Variants in INTS4 observed in about 807,000 individuals in gnomAD.
The protein encoded by INTS4 is MSTP093.
Under a neutral mutation model 119.5 loss-of-function variants are expected in INTS4, and 70 were observed. The observed-to-expected ratio is 0.59, with a 90% CI of 0.48 to 0.71. The LOEUF is 0.71. Ranked by LOEUF, INTS4 falls within the 30% of genes least tolerant of loss-of-function variation. The pLI is 0.00. For missense variants in INTS4, 867 were observed against 1,173.2 expected, an observed-to-expected ratio of 0.74 and a Z score of 3.81; for synonymous variants, 316 against 419.6, an observed-to-expected ratio of 0.75 and a Z score of 3.02.
chr11:77,923,055 C>G (rs1430293407), intron 12 of INTS4, among the ~76,000 whole-genome samples: 4 of 152,182 alleles, frequency 2.6e-5, no homozygotes, highest in Non-Finnish European at 5.9e-5. Context: ...TGTGGTGGCT[C>G]ACGCCTATAA....
At chr11:77,918,071 A>C in intron 15 of INTS4, 1 of 622,952 alleles carries the variant, frequency 1.6e-6, no homozygotes, top group East Asian at 2.9e-5. Context: ...GATGGAATAC[A>C]GGGGGCACAG....
intron 10 of INTS4, among the ~76,000 whole-genome samples, chr11:77,931,547 A>T (rs1212880965): frequency 6.6e-6 from 1 of 152,230 alleles, no homozygotes; most frequent in Non-Finnish European, 1.5e-5. Context: ...TGATTATTTC[A>T]TATTTCATGC....
At position 77,991,317 on chromosome 11, in the gene INTS4, A is replaced by T; in HGVS notation, c.55-18T>A. 1 of 1,592,602 alleles carries T rather than the reference A, an allele frequency of 6.3e-7. No homozygotes were observed. The highest frequency in any genetic ancestry group is 1.7e-5 in the Admixed American group (1 of 58,414). ...TCCTGTGGCTGCAAGGGGTAGAGAA[A>T]ATCGAAAACACAGAATCTGCAAATT... On this transcript the variant is annotated intron_variant, in intron 1 of 22. Coordinates refer to ENST00000534064, the MANE Select transcript of INTS4 (RefSeq NM_033547.4).
At chr11:77,964,092 GA>G (rs1324442729) in intron 4 of INTS4, among the ~76,000 whole-genome samples, 1 of 152,154 alleles carries the variant, frequency 6.6e-6, no homozygotes, top group African/African-American at 2.4e-5. Flanking sequence ...TGCTACACAA[GA>G]AAACTGCATT....
intron 4 of INTS4, among the ~76,000 whole-genome samples, chr11:77,967,081 G>C (rs990155232): frequency 6.6e-6 from 1 of 152,030 alleles, no homozygotes; most frequent in Non-Finnish European, 1.5e-5. Flanking sequence ...TTTCCCTAAT[G>C]ATTAGTGATT....
chr11:77,876,993 T>C, downstream of INTS4: 1 of 703,308 alleles, frequency 1.4e-6, no homozygotes. Flanking sequence ...GTCAGGGCTG[T>C]GGTACAATTC....
intron 22 of INTS4, 40 bp downstream of exon 22, chr11:77,883,792 G>T: frequency 6.2e-7 from 1 of 1,604,252 alleles, no homozygotes; most frequent in Non-Finnish European, 8.5e-7. Flanking sequence ...GTGATCTCCA[G>T]CAGCATATTT....
chr11:77,967,277 T>C (rs1160169486), intron 4 of INTS4, among the ~76,000 whole-genome samples: 1 of 152,136 alleles, frequency 6.6e-6, no homozygotes, highest in African/African-American at 2.4e-5. Flanking sequence ...GTCATAAGGA[T>C]GGGACTCTAG....
intron 10 of INTS4, among the ~76,000 whole-genome samples, chr11:77,935,903 A>AAAAAAAGAAAAAAAAGAGAG (rs1565256799): frequency 1.1e-5 from 1 of 86,990 alleles, no homozygotes; most frequent in Non-Finnish European, 2.1e-5. Flanking sequence ...CTCAAAAAAA[A>AAAAAAAGAAAAAAAAGAGAG]AAAAAAGAAA....
chr11:77,891,016 T>C (rs1952239125), intron 21 of INTS4, among the ~76,000 whole-genome samples: 3 of 152,344 alleles, frequency 2.0e-5, no homozygotes, highest in South Asian at 4.1e-4. Flanking sequence ...ATTACAAGAT[T>C]AGAAAAGGTC....
chr11:77,891,275 C>A, intron 21 of INTS4, 44 bp downstream of exon 21: 1 of 1,591,064 alleles, frequency 6.3e-7, no homozygotes, highest in Non-Finnish European at 8.6e-7. Flanking sequence ...TACTTCAACA[C>A]AATGTCAGTC....
At chr11:77,969,382 T>TATGA (rs1373686739) in intron 4 of INTS4, among the ~76,000 whole-genome samples, 3 of 152,134 alleles carry the variant, frequency 2.0e-5, no homozygotes, top group African/African-American at 7.2e-5. Flanking sequence ...TGTATGTATT[T>TATGA]ATGAATGAAT....
intron 3 of INTS4, among the ~76,000 whole-genome samples, chr11:77,979,563 G>C (rs1328822395): frequency 6.6e-6 from 1 of 151,910 alleles, no homozygotes; most frequent in African/African-American, 2.4e-5. Flanking sequence ...GTTCCTAAAG[G>C]GATCATGTTT....
At chr11:77,902,962 G>A (rs192593535) in intron 17 of INTS4, among the ~76,000 whole-genome samples, 43 of 152,296 alleles carry the variant, frequency 2.8e-4, no homozygotes, top group African/African-American at 8.9e-4. Context: ...TAGAGACAGC[G>A]TTTCACCATG....
intron 19 of INTS4, among the ~76,000 whole-genome samples, chr11:77,892,183 C>T (rs1392841486): frequency 1.3e-5 from 2 of 152,094 alleles, no homozygotes; most frequent in East Asian, 1.9e-4. Flanking sequence ...ACCTACGAAG[C>T]GCCAAGCACT....
chr11:77,881,106 A>AG (rs1459033144), intron 22 of INTS4, among the ~76,000 whole-genome samples: 1 of 152,304 alleles, frequency 6.6e-6, no homozygotes, highest in East Asian at 1.9e-4. Flanking sequence ...AACAAGAAGG[A>AG]GGGGAACTTG....
Position 77,981,503 on chromosome 11 carries a change from G to T in INTS4, c.320C>A (p.Pro107Gln). The change falls in exon 3 of 23, where the codon CCA (proline) becomes CAA (glutamine). Residue 107 changes from proline (P) to glutamine (Q), a missense_variant. By Grantham distance (76) the Pro-to-Gln change is moderately conservative. Coordinates refer to ENST00000534064, the MANE Select transcript of INTS4 (RefSeq NM_033547.4). ...GATGGCATCATCCATAATGCAGTCT[G>T]GTGAAAATCCTGCTGTCTTTGATAA... is the stretch of plus-strand genomic sequence containing the variant. ...GLLSKTAGFS[P>Q]DCIMDDAINI... The T allele has an allele frequency of 6.4e-7, 1 of 1,570,730 alleles. No individual in the cohort carries two copies. Among genetic ancestry groups the T allele is most frequent in the African/African-American group, 1.4e-5 (1 of 73,550 alleles).
rs760170258 is a variant in INTS4 at position 77,878,740 on chromosome 11, T to C, written c.*209A>G. 2.9e-6 allele frequency: 2 copies of C among 695,868 alleles called. No homozygotes were observed. The highest frequency in any genetic ancestry group is 5.2e-6 in the Non-Finnish European group (2 of 383,822). The allele number at this position is 695,868 out of a possible 1,614,324, so 43.1% of individuals were successfully genotyped here. On this transcript the variant is annotated 3_prime_UTR_variant, in exon 23 of 23. Transcript: ENST00000534064. ...ACAGCTTGGTGTTTTCTCAACTTTA[T>C]TGTGGACAGGAGAAGGGTAAGTAGA...
chr11:77,955,428 T>C (rs1478555424), intron 8 of INTS4, among the ~76,000 whole-genome samples: 1 of 151,908 alleles, frequency 6.6e-6, no homozygotes, highest in Non-Finnish European at 1.5e-5. Context: ...AAAAACTTAA[T>C]GAGAAATGTG....
Sources: allele counts gnomAD v4.1 joint callset (sites outside exome capture counted in the v4.1 genomes callset), GRCh38; gene constraint gnomAD v4.1.1; transcripts MANE v1.5; gene names NCBI Gene and HGNC (gene_info 2026-07-23, HGNC 2026-07-21).